The following P2RY14 variants were observed in gnomAD, a reference collection of about 807,000 sequenced individuals.
P2RY14 encodes purinergic receptor P2Y14, also known as P2Y purinoceptor 14.
P2RY14 carries 2 observed loss-of-function variants against 0.9 expected under a neutral mutation model. The ratio of observed to expected loss-of-function variants is 2.16; its 90% CI spans 0.88 to 6.79. The LOEUF (loss-of-function observed/expected upper bound fraction) is 6.79, where lower values mean the gene tolerates loss of function less well. Ranked by LOEUF, P2RY14 falls within the 30% of genes most tolerant of loss-of-function variation. The pLI, the probability that P2RY14 is intolerant of heterozygous loss-of-function variation, is 0.05. For missense variants in P2RY14, 378 were observed against 400.1 expected, an observed-to-expected ratio of 0.94 and a Z score of 0.47; for synonymous variants, 158 against 147.2, an observed-to-expected ratio of 1.07 and a Z score of -0.53.
chr3:151,274,593 A>G (rs1030258802), intron 1 of P2RY14, among the ~76,000 whole-genome samples: 28 of 152,248 alleles, frequency 1.8e-4, no homozygotes, highest in African/African-American at 6.8e-4. Flanking sequence ...TCATCTGTAC[A>G]TGCAGGGCTA....
chr3:151,225,240 C>G (rs1451850222), intron 1 of P2RY14, among the ~76,000 whole-genome samples: 2 of 152,200 alleles, frequency 1.3e-5, no homozygotes, highest in East Asian at 3.8e-4. Context: ...TGGCTACACT[C>G]CCCTTATTTC....
intron 2 of P2RY14, among the ~76,000 whole-genome samples, chr3:151,218,717 A>T (rs1728717654): frequency 6.6e-6 from 1 of 151,858 alleles, no homozygotes; most frequent in Non-Finnish European, 1.5e-5. Flanking sequence ...AAATAAAAAA[A>T]TTAGCCAGGT....
At chr3:151,268,398 A>T (rs1434168390) in intron 1 of P2RY14, among the ~76,000 whole-genome samples, 1 of 152,208 alleles carries the variant, frequency 6.6e-6, no homozygotes, top group East Asian at 1.9e-4. Flanking sequence ...TGGTGAGCAT[A>T]CTGCTCTCCA....
chr3:151,212,969 T>A lies in P2RY14; in HGVS notation c.*331A>T. ...TGAGTTGTCTTTGATTATGTTGTGTTTTATTTACTATTTAAATTTCTACAT... is the reference window on the plus strand; with the variant it reads ...TGAGTTGTCTTTGATTATGTTGTGTATTATTTACTATTTAAATTTCTACAT... On this transcript the variant is annotated 3_prime_UTR_variant, in exon 3 of 3. Transcript: ENST00000309170. The A allele has an allele frequency of 1.3e-5, 2 of 159,676 alleles. No individual in the cohort carries two copies. Among genetic ancestry groups the A allele is most frequent in the Admixed American group, 6.4e-5 (1 of 15,574 alleles). The allele number at this position is 159,676 out of a possible 1,614,324, so 9.9% of individuals were successfully genotyped here.
chr3:151,245,965 A>T (rs1266101304), intron 1 of P2RY14, among the ~76,000 whole-genome samples: 1 of 151,280 alleles, frequency 6.6e-6, no homozygotes, highest in African/African-American at 2.4e-5. Flanking sequence ...AAGCATTCTT[A>T]TACACCAGCA....
At chr3:151,232,096 T>A (rs1179041084) in intron 1 of P2RY14, among the ~76,000 whole-genome samples, 3 of 152,216 alleles carry the variant, frequency 2.0e-5, no homozygotes, top group Non-Finnish European at 4.4e-5. Context: ...GTGTCTCTGC[T>A]ATTTTTCTTA....
chr3:151,278,280 T>G lies in P2RY14; in HGVS notation c.-133+7A>C, dbSNP rs1467677091. On this transcript the variant is annotated splice_region_variant and intron_variant, in intron 1 of 2. Transcript: ENST00000309170. ...CAAGTCATTTCATGGAAAAGCTGTTTTCTTACCTGCGTCTAGGCCTTCATC... is the reference window on the plus strand; with the variant it reads ...CAAGTCATTTCATGGAAAAGCTGTTGTCTTACCTGCGTCTAGGCCTTCATC... 5.3e-5 allele frequency: 8 copies of G among 152,248 alleles called. No homozygotes were observed. Among genetic ancestry groups the G allele is most frequent in the African/African-American group, 1.9e-4 (8 of 41,462 alleles). The allele number at this position is 152,248 out of a possible 1,614,324, so 9.4% of individuals were successfully genotyped here.
intron 1 of P2RY14, among the ~76,000 whole-genome samples, chr3:151,240,036 A>G (rs1429720458): frequency 2.3e-5 from 1 of 43,238 alleles, no homozygotes; most frequent in African/African-American, 1.5e-4. Flanking sequence ...TCTTTCTCCC[A>G]CCTTTTTTTT....
At chr3:151,242,010 A>C (rs1252477258) in intron 1 of P2RY14, 1 of 152,508 alleles carries the variant, frequency 6.6e-6, no homozygotes, top group Non-Finnish European at 1.5e-5. Context: ...GAAAGGGGTG[A>C]CGGACGGCAC....
intron 1 of P2RY14, chr3:151,270,086 A>G (rs1740605952): frequency 4.4e-6 from 1 of 228,652 alleles, no homozygotes; most frequent in Non-Finnish European, 8.6e-6. Flanking sequence ...GAAGATGAAG[A>G]TGATGATGAA....
At chr3:151,268,253 TTATA>T (rs10645730) in intron 1 of P2RY14, among the ~76,000 whole-genome samples, 3 of 151,226 alleles carry the variant, frequency 2.0e-5, no homozygotes, top group Admixed American at 1.3e-4. Context: ...CATTTATTAC[TTATA>T]TATATATATA....
chr3:151,237,304 C>T (rs565834999), intron 1 of P2RY14, among the ~76,000 whole-genome samples: 75 of 145,252 alleles, frequency 5.2e-4, no homozygotes, highest in African/African-American at 1.8e-3. Flanking sequence ...TCCCAAAGTG[C>T]TGGGATTACA....
At chr3:151,243,874 C>G (rs1277925502) in intron 1 of P2RY14, among the ~76,000 whole-genome samples, 3 of 149,608 alleles carry the variant, frequency 2.0e-5, no homozygotes, top group Admixed American at 2.0e-4. Flanking sequence ...GGAAACCCAT[C>G]TCACGTGCAG....
chr3:151,238,821 G>C (rs1438503135), intron 1 of P2RY14, among the ~76,000 whole-genome samples: 7 of 152,088 alleles, frequency 4.6e-5, no homozygotes. Flanking sequence ...AAGTACATTT[G>C]CTACTTATGA....
chr3:151,227,627 G>A (rs538945004), intron 1 of P2RY14, among the ~76,000 whole-genome samples: 2 of 152,272 alleles, frequency 1.3e-5, no homozygotes, highest in South Asian at 4.2e-4. Flanking sequence ...GGTGAGGTGT[G>A]GCATAGGCAC....
rs971083537 is a variant in P2RY14, at chr3:151,213,217, G to C, written c.*83C>G. 32 of 1,022,138 alleles carry C rather than the reference G, an allele frequency of 3.1e-5. No homozygotes were observed. Among genetic ancestry groups the C allele is most frequent in the Non-Finnish European group, 4.2e-5 (29 of 689,170 alleles). 63.3% of individuals were successfully genotyped at this position (1,022,138 alleles called of 1,614,324 possible). A position where few individuals can be genotyped will look rare whatever the true frequency, so the allele number is the denominator to read the frequency against. ...GTGCTAGAGATGATATTTATGATGAGGGCACATATCTTATTGATTTCTGTT... is the reference window on the plus strand; with the variant it reads ...GTGCTAGAGATGATATTTATGATGACGGCACATATCTTATTGATTTCTGTT... On this transcript the variant is annotated 3_prime_UTR_variant, in exon 3 of 3. Coordinates refer to ENST00000309170, the MANE Select transcript of P2RY14 (RefSeq NM_014879.4).
intron 1 of P2RY14, among the ~76,000 whole-genome samples, chr3:151,221,458 A>T (rs1370046375): frequency 1.3e-5 from 2 of 152,206 alleles, no homozygotes; most frequent in African/African-American, 4.8e-5. Context: ...GCAGGCCTGG[A>T]GGCCTAGAAG....
At chr3:151,254,418 C>T (rs1342917961) in intron 1 of P2RY14, among the ~76,000 whole-genome samples, 3 of 152,170 alleles carry the variant, frequency 2.0e-5, no homozygotes, top group Admixed American at 6.6e-5. Flanking sequence ...CCAGGGGAAA[C>T]CTTGCTGTCT....
chr3:151,262,261 G>A (rs951489387), intron 1 of P2RY14, among the ~76,000 whole-genome samples: 1 of 152,218 alleles, frequency 6.6e-6, no homozygotes, highest in Non-Finnish European at 1.5e-5. Context: ...AGAAGTATTA[G>A]ATTTTAAGTC....
Sources: gnomAD v4.1 joint callset for allele counts (sites outside exome capture counted in the v4.1 genomes callset) on GRCh38, gnomAD v4.1.1 for gene constraint, MANE v1.5 for transcripts, NCBI Gene and HGNC (gene_info 2026-07-23, HGNC 2026-07-21) for gene names.